NID2: variants seen among roughly 807,000 people sequenced by gnomAD.
NID2 encodes nidogen 2.
A neutral mutation model predicts 145.4 loss-of-function variants in NID2; 83 were observed. The observed-to-expected ratio is 0.57, with a 90% confidence interval of 0.48 to 0.69. The LOEUF (loss-of-function observed/expected upper bound fraction) is 0.69, where lower values mean the gene tolerates loss of function less well. Ranked by LOEUF, NID2 falls within the 30% of genes least tolerant of loss-of-function variation. The probability of loss-of-function intolerance (pLI) is 0.00; values close to 1 mark genes in which losing one functional copy is unlikely to be tolerated. For missense variants in NID2, 1,807 were observed against 1,765.7 expected, an observed-to-expected ratio of 1.02 and a Z score of -0.42; for synonymous variants, 739 against 701.3, an observed-to-expected ratio of 1.05 and a Z score of -0.85.
chr14:52,024,561 A>G (rs760694045), intron 12 of NID2, among the ~76,000 whole-genome samples: 14 of 152,190 alleles, frequency 9.2e-5, no homozygotes, highest in South Asian at 2.1e-4. Flanking sequence ...CACAGGACCC[A>G]GCTGAGCCAT....
intron 14 of NID2, among the ~76,000 whole-genome samples, chr14:52,018,582 A>T (rs947988269): frequency 6.6e-6 from 1 of 152,244 alleles, no homozygotes; most frequent in Non-Finnish European, 1.5e-5. Flanking sequence ...AACTGGCTCC[A>T]CTAGCAGGTG....
At chr14:52,066,947 C>T (rs750855256) in intron 2 of NID2, among the ~76,000 whole-genome samples, 3 of 152,066 alleles carry the variant, frequency 2.0e-5, no homozygotes, top group Non-Finnish European at 4.4e-5. Flanking sequence ...TTTTACTTTC[C>T]GCAGGTAGAG....
At chr14:52,043,103 C>T (rs929729324) in intron 5 of NID2, among the ~76,000 whole-genome samples, 172 bp from the exon 6 acceptor site, 2 of 152,178 alleles carry the variant, frequency 1.3e-5, no homozygotes, top group African/African-American at 4.8e-5. Flanking sequence ...GCTTTGTCTG[C>T]TGGCAAGAAG....
At chr14:52,014,571 C>G in intron 15 of NID2, 115 bp from the exon 16 acceptor site, 1 of 1,070,288 alleles carries the variant, frequency 9.3e-7, no homozygotes, top group Non-Finnish European at 1.3e-6. Context: ...GTTCTTCGCC[C>G]TACGCAGATG....
intron 9 of NID2, 36 bp downstream of exon 9, chr14:52,038,711 G>A (rs767056344): frequency 3.4e-6 from 5 of 1,477,808 alleles, no homozygotes; most frequent in Admixed American, 4.3e-5. Flanking sequence ...TTAAAAGGAT[G>A]TCATTTTTAC....
intron 14 of NID2, among the ~76,000 whole-genome samples, chr14:52,018,720 G>A (rs184680054): frequency 6.6e-6 from 1 of 152,328 alleles, no homozygotes; most frequent in East Asian, 1.9e-4. Flanking sequence ...ACGCCAGTCT[G>A]GCCAGATCTT....
rs115333900 is a variant in NID2, at chr14:52,062,375, A to C, written c.535-2019T>G. Reference sequence around the variant, plus strand: ...GCAAAGCTTGACTTTTCCAAAAACAAAAAGCAAGAAATGTTTTTAGAGCTT... The same window carrying C: ...GCAAAGCTTGACTTTTCCAAAAACACAAAGCAAGAAATGTTTTTAGAGCTT... On this transcript the variant is annotated intron_variant, in intron 2 of 21. Transcript: ENST00000216286. Among the ~76,000 whole-genome samples the C allele has an allele frequency of 3.1e-3, 477 of 152,358 alleles. 4 individuals carry two copies. In the Middle Eastern group the frequency reaches 0.034, roughly 11 times the overall value.
chr14:52,024,175 G>A (rs529531919), intron 12 of NID2, among the ~76,000 whole-genome samples: 278 of 152,284 alleles, frequency 1.8e-3, no homozygotes, highest in African/African-American at 6.4e-3. Context: ...GGCTGTGGTA[G>A]GCAGCCTCTA....
At chr14:52,011,125 G>A in intron 17 of NID2, 78 bp from the exon 18 acceptor site, 1 of 1,431,734 alleles carries the variant, frequency 7.0e-7, no homozygotes, top group South Asian at 1.2e-5. Context: ...ACGGTCGGGT[G>A]GGCAGGGGGG....
Position 52,023,348 on chromosome 14 carries a change from G to C in NID2, c.2675-3170C>G, listed in dbSNP as rs1040042984. Among the ~76,000 whole-genome samples, 19 of 52,458 alleles carry C rather than the reference G, an allele frequency of 3.6e-4. 1 individual carries two copies. The highest frequency in any genetic ancestry group is 2.5e-3 in the Admixed American group (9 of 3,560). 34.4% of individuals were successfully genotyped at this position (52,458 alleles called of 152,430 possible). On this transcript the variant is annotated intron_variant, in intron 12 of 21. Coordinates refer to ENST00000216286, the MANE Select transcript of NID2 (RefSeq NM_007361.4). ...CAAAATTAGCTGGGCATGCTACTTGGGGGGGCTGAGATGTGAGGATCACTT... is the reference window on the plus strand; with the variant it reads ...CAAAATTAGCTGGGCATGCTACTTGCGGGGGCTGAGATGTGAGGATCACTT...
At chr14:52,027,449 G>A in intron 11 of NID2, 105 bp from the exon 12 acceptor site, 1 of 1,041,858 alleles carries the variant, frequency 9.6e-7, no homozygotes, top group African/African-American at 1.7e-5. Flanking sequence ...ACCAGGGAAT[G>A]CAGGTTCTCA....
chr14:52,013,673 G>A (rs559851286), intron 16 of NID2, among the ~76,000 whole-genome samples: 1 of 152,184 alleles, frequency 6.6e-6, no homozygotes, highest in African/African-American at 2.4e-5. Context: ...GCATTAGGGA[G>A]GCTGCTGGCT....
chr14:52,053,695 G>A lies in NID2; in HGVS notation c.1313C>T (p.Ala438Val). The part of the protein sequence containing the change: ...PVPSEMDVPP[A>V]HPEEEIVLRS... ...AAGAACAATTTCTTCTTCAGGATGA[G>A]CTGGGGGAACATCCATTTCCGAAGG... Residue 438 changes from alanine to valine, a missense_variant, in exon 5 of 22, where the codon GCT becomes GTT. Ala to Val is a moderately conservative substitution (Grantham distance 64). Transcript: ENST00000216286. The A allele has an allele frequency of 1.2e-6, 2 of 1,614,246 alleles. No homozygotes were observed. The highest frequency in any genetic ancestry group is 1.7e-6 in the Non-Finnish European group (2 of 1,180,048).
chr14:52,042,042 G>C, intron 7 of NID2, 63 bp downstream of exon 7: 1 of 1,520,738 alleles, frequency 6.6e-7, no homozygotes, highest in Non-Finnish European at 8.8e-7. Flanking sequence ...TAAAGACAGT[G>C]CCCCAAGGAG....
chr14:52,065,572 T>C (rs1893170566), intron 2 of NID2, among the ~76,000 whole-genome samples: 2 of 132,900 alleles, frequency 1.5e-5, no homozygotes, highest in African/African-American at 5.9e-5. Context: ...GTTACATATG[T>C]ATACATGTGC....
At chr14:52,059,953 T>C (rs1410124322) in intron 3 of NID2, among the ~76,000 whole-genome samples, 171 bp downstream of exon 3, 3 of 152,242 alleles carry the variant, frequency 2.0e-5, no homozygotes, top group African/African-American at 7.2e-5. Flanking sequence ...CTTTTATGTT[T>C]TGGTGAACTT....
intron 1 of NID2, 65 bp downstream of exon 1, chr14:52,068,702 G>GT: frequency 4.2e-6 from 6 of 1,427,582 alleles, no homozygotes; most frequent in Non-Finnish European, 5.8e-6. Flanking sequence ...TGGAGGCAGG[G>GT]TTTCCGTGAG....
At chr14:52,036,933 C>G (rs1892093788) in intron 9 of NID2, among the ~76,000 whole-genome samples, 1 of 152,170 alleles carries the variant, frequency 6.6e-6, no homozygotes, top group African/African-American at 2.4e-5. Context: ...CATTCTATGG[C>G]TGTGTTTTCA....
intron 20 of NID2, chr14:52,006,163 AAT>A: frequency 4.9e-6 from 2 of 408,668 alleles, no homozygotes; most frequent in Non-Finnish European, 9.1e-6. Context: ...TCCCTCAGAC[AAT>A]ATGTCCACAG....
Sources: allele counts gnomAD v4.1 joint callset (sites outside exome capture counted in the v4.1 genomes callset), GRCh38; gene constraint gnomAD v4.1.1; transcripts MANE v1.5; gene names NCBI Gene and HGNC (gene_info 2026-07-23, HGNC 2026-07-21).